The following MSH3 variants were observed in gnomAD, a reference collection of about 807,000 sequenced individuals.
The protein encoded by MSH3 is DNA mismatch repair protein Msh3.
Under a neutral mutation model 123.3 loss-of-function variants are expected in MSH3, and 106 were observed. That is an observed-to-expected ratio of 0.86 (90% CI 0.73 to 1.01). The LOEUF (loss-of-function observed/expected upper bound fraction) is 1.01, where lower values mean the gene tolerates loss of function less well. Ranked by LOEUF, MSH3 falls within the 50% of genes least tolerant of loss-of-function variation. The pLI, the probability that MSH3 is intolerant of heterozygous loss-of-function variation, is 0.00. For missense variants in MSH3, 1,459 were observed against 1,347.6 expected, an observed-to-expected ratio of 1.08 and a Z score of -1.29; for synonymous variants, 515 against 481.4, an observed-to-expected ratio of 1.07 and a Z score of -0.91.
chr5:80,684,281 A>G (rs1473603337), intron 8 of MSH3, among the ~76,000 whole-genome samples: 1 of 151,906 alleles, frequency 6.6e-6, no homozygotes, highest in Non-Finnish European at 1.5e-5. Context: ...GGTAGTATGG[A>G]TGTTTGAACT....
chr5:80,770,061 A>G (rs924654938), intron 15 of MSH3, among the ~76,000 whole-genome samples: 10 of 152,194 alleles, frequency 6.6e-5, no homozygotes, highest in Non-Finnish European at 2.9e-5. Flanking sequence ...TGATTTGACA[A>G]TATTTATACT....
chr5:80,856,559 G>C (rs375082544), intron 21 of MSH3, among the ~76,000 whole-genome samples: 2 of 107,200 alleles, frequency 1.9e-5, no homozygotes, highest in African/African-American at 3.6e-5. Context: ...TGTGGGGTGG[G>C]GGGAGGGGGG....
intron 3 of MSH3, among the ~76,000 whole-genome samples, chr5:80,665,709 G>A (rs972100258): frequency 2.6e-5 from 4 of 152,170 alleles, no homozygotes; most frequent in African/African-American, 7.2e-5. Flanking sequence ...CATGATTACC[G>A]TGGAAAATCA....
At position 80,739,733 on chromosome 5, in the gene MSH3, C is replaced by T. The variant is rs1045124018; in HGVS notation, c.1569-1731C>T. Among the ~76,000 whole-genome samples, 3 of 152,322 alleles carry T rather than the reference C, an allele frequency of 2.0e-5. No individual in the cohort carries two copies. In the South Asian group the frequency reaches 6.2e-4, roughly 32 times the overall value. ...ACCTGTCACAGATACATTACACTACCAAAGGACAGCATTGAGTTACTAGGC... is the reference window on the plus strand; with the variant it reads ...ACCTGTCACAGATACATTACACTACTAAAGGACAGCATTGAGTTACTAGGC... On this transcript the variant is annotated intron_variant, in intron 10 of 23. Coordinates refer to ENST00000265081, the MANE Select transcript of MSH3 (RefSeq NM_002439.5).
At position 80,673,863 on chromosome 5, in the gene MSH3, A is replaced by G. The variant is rs1308570920; in HGVS notation, c.1027+1005A>G. 2.0e-5 allele frequency among the ~76,000 whole-genome samples: 3 copies of G among 152,184 alleles called. No homozygotes were observed. The South Asian group carries it at 6.2e-4, about 32-fold the overall frequency. On this transcript the variant is annotated intron_variant, in intron 6 of 23. Transcript: ENST00000265081. ...GTAAAATTAGACCAGGGTGCATTTA[A>G]AAAAAATTACTATGGGGGTGGAATC...
chr5:80,860,083 A>T (rs1745989848), intron 21 of MSH3, among the ~76,000 whole-genome samples: 1 of 147,970 alleles, frequency 6.8e-6, no homozygotes, highest in Admixed American at 6.8e-5. Flanking sequence ...ACTGTCATTT[A>T]TTTCACTTAT....
At chr5:80,758,055 T>C (rs982573564) in intron 12 of MSH3, among the ~76,000 whole-genome samples, 8 of 152,170 alleles carry the variant, frequency 5.3e-5, no homozygotes, top group African/African-American at 1.9e-4. Flanking sequence ...AATAGTTACA[T>C]TGTGCTTTCT....
intron 20 of MSH3, among the ~76,000 whole-genome samples, chr5:80,820,909 A>G (rs1052164493): frequency 1.3e-5 from 2 of 152,196 alleles, no homozygotes; most frequent in African/African-American, 4.8e-5. Context: ...ACGAAGGTCC[A>G]GGTTAAGCTT....
intron 8 of MSH3, among the ~76,000 whole-genome samples, chr5:80,698,190 A>G (rs1187576540): frequency 1.3e-5 from 2 of 152,170 alleles, no homozygotes; most frequent in Non-Finnish European, 2.9e-5. Context: ...AGCGTGGACC[A>G]TTGCGCCTGG....
At chr5:80,755,018 C>CGGG (rs1455094016) in intron 12 of MSH3, among the ~76,000 whole-genome samples, 1 of 152,150 alleles carries the variant, frequency 6.6e-6, no homozygotes, top group Non-Finnish European at 1.5e-5. Context: ...AGCCAGCAAC[C>CGGG]GGGTGTTCAC....
chr5:80,869,067 GACAA>G (rs1746154572), intron 22 of MSH3, among the ~76,000 whole-genome samples: 1 of 152,066 alleles, frequency 6.6e-6, no homozygotes, highest in Non-Finnish European at 1.5e-5. Context: ...TAAAACAATG[GACAA>G]ACAGTTAAGA....
chr5:80,717,886 G>C, intron 8 of MSH3, among the ~76,000 whole-genome samples: 1 of 152,130 alleles, frequency 6.6e-6, no homozygotes, highest in Non-Finnish European at 1.5e-5. Context: ...TAAATTCAGC[G>C]TGATGATGGA....
intron 8 of MSH3, among the ~76,000 whole-genome samples, chr5:80,690,016 A>G (rs549959643): frequency 5.8e-4 from 88 of 152,202 alleles, no homozygotes; most frequent in African/African-American, 2.0e-3. Flanking sequence ...CCTCCTGAGC[A>G]GCATACTAAT....
chr5:80,794,796 T>C (rs1170297966), intron 19 of MSH3, among the ~76,000 whole-genome samples: 1 of 152,104 alleles, frequency 6.6e-6, no homozygotes, highest in East Asian at 1.9e-4. Context: ...TTGCGAGAAA[T>C]GGCGATTGGG....
intron 21 of MSH3, among the ~76,000 whole-genome samples, chr5:80,856,913 A>G (rs970569045): frequency 1.3e-5 from 2 of 152,004 alleles, no homozygotes; most frequent in Non-Finnish European, 1.5e-5. Flanking sequence ...GTCTTATTGC[A>G]GTAACTAGGA....
intron 8 of MSH3, among the ~76,000 whole-genome samples, chr5:80,682,441 TG>T (rs1049226403): frequency 1.3e-5 from 2 of 152,054 alleles, no homozygotes; most frequent in African/African-American, 4.8e-5. Flanking sequence ...TTTCTGTGGC[TG>T]GGCGCAGTGG....
chr5:80,668,684 G>A (rs1055490100), intron 3 of MSH3, among the ~76,000 whole-genome samples: 6 of 152,164 alleles, frequency 3.9e-5, no homozygotes, highest in Non-Finnish European at 8.8e-5. Flanking sequence ...GAGGGAGGGG[G>A]AATTCCCTTT....
At chr5:80,795,602 A>G (rs1190077043) in intron 19 of MSH3, among the ~76,000 whole-genome samples, 1 of 152,184 alleles carries the variant, frequency 6.6e-6, no homozygotes, top group African/African-American at 2.4e-5. Flanking sequence ...GAGGGTTAGG[A>G]TTTCAACATA....
chr5:80,688,870 G>A (rs1750159928), intron 8 of MSH3, among the ~76,000 whole-genome samples: 2 of 152,042 alleles, frequency 1.3e-5, no homozygotes, highest in Admixed American at 1.3e-4. Context: ...TACCAATTTC[G>A]TGATTGCAGT....
Sources: gnomAD v4.1 joint callset for allele counts (sites outside exome capture counted in the v4.1 genomes callset) on GRCh38, gnomAD v4.1.1 for gene constraint, MANE v1.5 for transcripts, NCBI Gene and HGNC (gene_info 2026-07-23, HGNC 2026-07-21) for gene names.